Variants in FANCL observed in about 807,000 individuals in gnomAD.
FANCL encodes FA complementation group L.
A neutral mutation model predicts 59.4 loss-of-function variants in FANCL; 69 were observed. The observed-to-expected ratio is 1.16, with a 90% CI of 0.96 to 1.42. The LOEUF is 1.42. Ranked by LOEUF, FANCL falls within the 40% of genes most tolerant of loss-of-function variation. FANCL has a pLI of 0.00. For missense variants in FANCL, 519 were observed against 447.2 expected (o/e 1.16, Z -1.45); for synonymous variants, 180 against 147.1 (o/e 1.22, Z -1.62).
At position 58,166,979 on chromosome 2, in the gene FANCL, T is replaced by C. The variant is rs532889385; in HGVS notation, c.541-1105A>G. Among the ~76,000 whole-genome samples, 271 of 152,282 alleles carry C rather than the reference T, an allele frequency of 1.8e-3. 1 individual carries two copies. Among genetic ancestry groups the C allele is most frequent in the Non-Finnish European group, 1.8e-3 (125 of 68,012 alleles). On this transcript the variant is annotated intron_variant, in intron 7 of 13. Transcript: ENST00000233741. ...CTGTAATCCCAGCACTCTGGGAGGC[T>C]GAGGTGCGCAGATCACGAGGTCAAG...
At chr2:58,187,942 T>A (rs1339845226) in intron 7 of FANCL, among the ~76,000 whole-genome samples, 63 of 152,318 alleles carry the variant, frequency 4.1e-4, no homozygotes, top group Non-Finnish European at 1.5e-5. Context: ...ACGACCAATT[T>A]ATCAATTTGT....
At chr2:58,191,392 A>C (rs1688903316) in intron 7 of FANCL, among the ~76,000 whole-genome samples, 1 of 151,886 alleles carries the variant, frequency 6.6e-6, no homozygotes, top group African/African-American at 2.4e-5. Flanking sequence ...GAGTTACTCC[A>C]AACCATAACA....
At chr2:58,239,716 A>C (rs1694339808) in intron 1 of FANCL, among the ~76,000 whole-genome samples, 1 of 152,142 alleles carries the variant, frequency 6.6e-6, no homozygotes, top group Admixed American at 6.5e-5. Context: ...GATAAAGGGG[A>C]ACTACGCCTG....
chr2:58,174,427 T>A (rs1687047585), intron 7 of FANCL, among the ~76,000 whole-genome samples: 1 of 152,206 alleles, frequency 6.6e-6, no homozygotes, highest in South Asian at 2.1e-4. Context: ...TCAGAAATCA[T>A]AACAAACTGT....
At chr2:58,216,909 C>T (rs1381611868) in intron 5 of FANCL, among the ~76,000 whole-genome samples, 4 of 151,346 alleles carry the variant, frequency 2.6e-5, no homozygotes, top group African/African-American at 9.7e-5. Flanking sequence ...TGATTCCTGA[C>T]CCCCCAATCC....
At chr2:58,169,147 C>T (rs1190951083) in intron 7 of FANCL, among the ~76,000 whole-genome samples, 1 of 152,178 alleles carries the variant, frequency 6.6e-6, no homozygotes, top group Non-Finnish European at 1.5e-5. Flanking sequence ...ACAACTCATA[C>T]AGGAGAGCTC....
chr2:58,203,597 T>C (rs556786002), intron 6 of FANCL, among the ~76,000 whole-genome samples: 8 of 152,166 alleles, frequency 5.3e-5, no homozygotes, highest in Admixed American at 4.6e-4. Context: ...TAGATCACTA[T>C]CCTATAAGGG....
chr2:58,161,561 A>C lies in FANCL; in HGVS notation c.981T>G (p.Ser327=), dbSNP rs848291. The change falls in exon 12 of 14, where the codon TCT becomes TCG. Residue 327 remains serine (S), a synonymous_variant. Transcript: ENST00000233741. ...GTIPDQVCDN[S]QCGQPFHQIC... ...TTTGATGGAAAGGTTGTCCACACTG[A>C]GAATTATCACACACTTGATCAGGAA... 3 of 1,610,616 alleles carry C rather than the reference A, an allele frequency of 1.9e-6. No homozygotes were observed. Among genetic ancestry groups the C allele is most frequent in the African/African-American group, 1.3e-5 (1 of 74,756 alleles).
At position 58,165,813 on chromosome 2, in the gene FANCL, C is replaced by A. The variant is rs751889330; in HGVS notation, c.602G>T (p.Trp201Leu). The A allele has an allele frequency of 6.2e-7, 1 of 1,614,056 alleles. No individual in the cohort carries two copies. Among genetic ancestry groups the A allele is most frequent in the South Asian group, 1.1e-5 (1 of 91,076 alleles). ...CTCATCGATTTCATCCATAACATCC[C>A]AGAATGCCTTTAGTGATTCTATTGC... The part of the protein sequence containing the change: ...LAAIESLKAF[W>L]DVMDEIDEKT... The change falls in exon 8 of 14, where the codon TGG becomes TTG. Residue 201 changes from tryptophan to leucine, a missense_variant. Trp to Leu is a moderately conservative substitution (Grantham distance 61). Transcript: ENST00000233741.
intron 6 of FANCL, among the ~76,000 whole-genome samples, chr2:58,201,103 A>T (rs1442837326): frequency 6.6e-6 from 1 of 150,988 alleles, no homozygotes; most frequent in African/African-American, 2.4e-5. Context: ...CTTCTGAATT[A>T]TAATAGTATT....
chr2:58,199,632 T>C lies in FANCL; in HGVS notation c.472-970A>G, dbSNP rs551671211. ...CAGTCATGAGGACAAACCAAGTTTT[T>C]AAGTTAACAAAGGCAAAAGATAAAA... On this transcript the variant is annotated intron_variant, in intron 6 of 13. Transcript: ENST00000233741. 7.9e-5 allele frequency among the ~76,000 whole-genome samples: 12 copies of C among 152,296 alleles called. No homozygotes were observed. The East Asian group carries it at 2.3e-3, about 29-fold the overall frequency.
chr2:58,162,143 A>G (rs1169588012), intron 11 of FANCL, among the ~76,000 whole-genome samples: 1 of 151,980 alleles, frequency 6.6e-6, no homozygotes, highest in African/African-American at 2.4e-5. Flanking sequence ...TGATTACTAA[A>G]CAGCACAATT....
At chr2:58,223,525 T>G (rs887102322) in intron 4 of FANCL, among the ~76,000 whole-genome samples, 1 of 152,012 alleles carries the variant, frequency 6.6e-6, no homozygotes, top group Non-Finnish European at 1.5e-5. Context: ...TACCTTCTAT[T>G]CTGAGTCAGG....
At chr2:58,184,787 A>G (rs1688246224) in intron 7 of FANCL, among the ~76,000 whole-genome samples, 1 of 152,030 alleles carries the variant, frequency 6.6e-6, no homozygotes, top group South Asian at 2.1e-4. Context: ...GGAAAAGAAC[A>G]CAATTCTCAG....
At chr2:58,229,942 A>G in intron 2 of FANCL, 68 bp from the exon 3 acceptor site, 1 of 1,060,858 alleles carries the variant, frequency 9.4e-7, no homozygotes, top group Non-Finnish European at 1.5e-6. Context: ...GTATGCTAAC[A>G]CAAACATGCA....
chr2:58,217,138 T>C (rs1228785387), intron 5 of FANCL, among the ~76,000 whole-genome samples: 1 of 95,910 alleles, frequency 1.0e-5, no homozygotes, highest in African/African-American at 3.1e-5. Flanking sequence ...TATTTTTATA[T>C]ATAGATTTAT....
At chr2:58,173,021 G>A (rs1402715942) in intron 7 of FANCL, among the ~76,000 whole-genome samples, 1 of 152,186 alleles carries the variant, frequency 6.6e-6, no homozygotes, top group Admixed American at 6.5e-5. Context: ...GCGATCAACT[G>A]GAAGAAAGGG....
At chr2:58,226,827 T>C (rs1206521368) in intron 3 of FANCL, 43 bp from the exon 4 acceptor site, 1 of 1,532,236 alleles carries the variant, frequency 6.5e-7, no homozygotes, top group Non-Finnish European at 9.0e-7. Flanking sequence ...GCACAATAAA[T>C]ATTCTATCCA....
intron 5 of FANCL, 56 bp from the exon 6 acceptor site, chr2:58,204,282 A>C (rs1690354872): frequency 2.5e-6 from 3 of 1,221,946 alleles, no homozygotes; most frequent in Non-Finnish European, 2.4e-6. Flanking sequence ...GGAGAGGGGA[A>C]CTGGAGATGG....
Sources: allele counts gnomAD v4.1 joint callset (sites outside exome capture counted in the v4.1 genomes callset), GRCh38; gene constraint gnomAD v4.1.1; transcripts MANE v1.5; gene names NCBI Gene and HGNC (gene_info 2026-07-23, HGNC 2026-07-21).